WWOX: variants seen among roughly 807,000 people sequenced by gnomAD.
The protein encoded by WWOX is WW domain-containing oxidoreductase.
A neutral mutation model predicts 46.2 loss-of-function variants in WWOX; 69 were observed. The ratio of observed to expected loss-of-function variants is 1.49; its 90% CI spans 1.23 to 1.82. The LOEUF (loss-of-function observed/expected upper bound fraction) is 1.82. Ranked by LOEUF, WWOX falls within the 40% of genes most tolerant of loss-of-function variation. The probability of loss-of-function intolerance (pLI) is 0.00; values close to 1 mark genes in which losing one functional copy is unlikely to be tolerated. For synonymous variants in WWOX, 359 were observed against 202.6 expected (o/e 1.77, Z -6.56); for missense variants, 919 against 542.6 (o/e 1.69, Z -6.89).
At chr16:78,179,316 A>T (rs1438590652) in intron 5 of WWOX, among the ~76,000 whole-genome samples, 1 of 152,218 alleles carries the variant, frequency 6.6e-6, no homozygotes, top group Non-Finnish European at 1.5e-5. Flanking sequence ...TTCTGGAAAG[A>T]GTTATGGATT....
chr16:78,656,944 G>A (rs776805472), intron 8 of WWOX, among the ~76,000 whole-genome samples: 4 of 152,190 alleles, frequency 2.6e-5, no homozygotes, highest in African/African-American at 7.2e-5. Context: ...CCATCATGGC[G>A]TCTGGTCCAT....
At chr16:78,935,935 C>T (rs973380146) in intron 8 of WWOX, among the ~76,000 whole-genome samples, 8 of 151,732 alleles carry the variant, frequency 5.3e-5, no homozygotes, top group African/African-American at 1.9e-4. Context: ...ATAAAATAAG[C>T]AGCAGCAGCA....
At chr16:78,460,726 G>T (rs181506175) in intron 8 of WWOX, among the ~76,000 whole-genome samples, 1 of 152,162 alleles carries the variant, frequency 6.6e-6, no homozygotes, top group African/African-American at 2.4e-5. Context: ...CATGACATTC[G>T]ATCCACGTGG....
intron 8 of WWOX, among the ~76,000 whole-genome samples, chr16:78,619,175 A>T (rs1363563126): frequency 6.3e-5 from 1 of 15,766 alleles, no homozygotes; most frequent in Non-Finnish European, 1.1e-4. Context: ...ATATATATAT[A>T]TATATATATA....
chr16:78,335,793 C>A (rs9937072), intron 5 of WWOX, among the ~76,000 whole-genome samples: 16,790 of 152,156 alleles, frequency 0.11, 1,066 homozygotes, highest in Non-Finnish European at 0.13. Context: ...CCAAAACTTG[C>A]GTTTCTAAAA....
intron 8 of WWOX, among the ~76,000 whole-genome samples, chr16:78,560,535 T>C (rs1042230947): frequency 1.3e-5 from 2 of 152,024 alleles, no homozygotes; most frequent in African/African-American, 4.8e-5. Context: ...TCCCAGCTAC[T>C]TGGGAGGCTG....
intron 8 of WWOX, among the ~76,000 whole-genome samples, chr16:78,695,851 G>A (rs1038270259): frequency 8.5e-5 from 13 of 152,168 alleles, no homozygotes; most frequent in Non-Finnish European, 2.9e-5. Flanking sequence ...CGCTGTGGAA[G>A]GACAGATGTC....
intron 5 of WWOX, among the ~76,000 whole-genome samples, chr16:78,329,363 C>T (rs1185762703): frequency 6.6e-6 from 1 of 152,152 alleles, no homozygotes; most frequent in Non-Finnish European, 1.5e-5. Flanking sequence ...ATGCAAAAAA[C>T]GTGGTTTGTT....
rs980320884 is a variant in WWOX, at chr16:78,350,554, A to C, written c.517-36306A>C. 7.4e-5 allele frequency among the ~76,000 whole-genome samples: 9 copies of C among 121,074 alleles called. 4 individuals are homozygous for C. The highest frequency in any genetic ancestry group is 1.6e-4 in the Admixed American group (2 of 12,422). The allele number at this position is 121,074 out of a possible 152,430, so 79.4% of individuals were successfully genotyped here. ...GACTTTTCATATAAATAAATCAGAT[A>C]CTGTGTGGCCCTTTGTGTCTCGATC... On this transcript the variant is annotated intron_variant, in intron 5 of 8. Coordinates refer to ENST00000566780, the MANE Select transcript of WWOX (RefSeq NM_016373.4).
chr16:78,670,483 G>A (rs188873007), intron 8 of WWOX, among the ~76,000 whole-genome samples: 1 of 152,118 alleles, frequency 6.6e-6, no homozygotes, highest in Non-Finnish European at 1.5e-5. Context: ...GTGTGTGATC[G>A]GAAATCATGT....
intron 8 of WWOX, among the ~76,000 whole-genome samples, chr16:78,819,409 A>G (rs760678753): frequency 5.3e-5 from 8 of 152,248 alleles, no homozygotes; most frequent in Non-Finnish European, 1.0e-4. Context: ...TTTCCATGGC[A>G]ACACCTAGAA....
At chr16:78,829,516 T>C (rs1161458054) in intron 8 of WWOX, among the ~76,000 whole-genome samples, 2 of 152,178 alleles carry the variant, frequency 1.3e-5, no homozygotes, top group Non-Finnish European at 2.9e-5. Flanking sequence ...TAGTCAGATA[T>C]CTGGGCACTG....
rs2043218846 is a variant in WWOX at position 78,515,616 on chromosome 16, A to T, written c.1056+82864A>T. Among the ~76,000 whole-genome samples, 3 of 152,164 alleles carry T rather than the reference A, an allele frequency of 2.0e-5. No homozygotes were observed. In the South Asian group the frequency reaches 6.2e-4, roughly 32 times the overall value. ...CTATCTCTGTGCAGAGCCAGGCCGG[A>T]TGCCTAGGTGAGATGGAAAGCTTCC... On this transcript the variant is annotated intron_variant, in intron 8 of 8. Coordinates refer to ENST00000566780, the MANE Select transcript of WWOX (RefSeq NM_016373.4).
intron 8 of WWOX, among the ~76,000 whole-genome samples, chr16:78,570,667 T>C (rs945857435): frequency 3.3e-5 from 5 of 152,120 alleles, no homozygotes; most frequent in African/African-American, 1.2e-4. Flanking sequence ...CTCAAGCTTC[T>C]GAAGACACAA....
rs141730643 is a variant in WWOX, at chr16:78,661,288, C to T, written c.1056+228536C>T. On this transcript the variant is annotated intron_variant, in intron 8 of 8. Transcript: ENST00000566780. ...AGGACTGGAATGCCATTGACAGGTC[C>T]CACAAGTCAGCAATCAGCACGCCAT... Among the ~76,000 whole-genome samples the T allele has an allele frequency of 6.6e-3, 1,004 of 152,244 alleles. 11 individuals carry two copies. Among genetic ancestry groups the T allele is most frequent in the African/African-American group, 0.022 (925 of 41,534 alleles).
At chr16:78,855,326 A>G (rs996433241) in intron 8 of WWOX, among the ~76,000 whole-genome samples, 12 of 152,314 alleles carry the variant, frequency 7.9e-5, no homozygotes, top group South Asian at 6.2e-4. Context: ...TTCTTATCAT[A>G]ATAAATCTGA....
chr16:78,714,329 T>G (rs1296429337), intron 8 of WWOX, among the ~76,000 whole-genome samples: 1 of 152,038 alleles, frequency 6.6e-6, no homozygotes, highest in Non-Finnish European at 1.5e-5. Flanking sequence ...AGGGGCGTCT[T>G]ACATGGTGGC....
intron 8 of WWOX, among the ~76,000 whole-genome samples, chr16:78,610,239 C>T (rs1223863398): frequency 6.6e-6 from 1 of 152,122 alleles, no homozygotes; most frequent in Non-Finnish European, 1.5e-5. Flanking sequence ...TTTTACCCTC[C>T]TTTTCATAAT....
At chr16:78,938,680 G>T (rs1031313652) in intron 8 of WWOX, among the ~76,000 whole-genome samples, 1 of 152,172 alleles carries the variant, frequency 6.6e-6, no homozygotes, top group Non-Finnish European at 1.5e-5. Flanking sequence ...TGGGGAGATA[G>T]CAATGAAGGC....
Sources: allele counts gnomAD v4.1 joint callset (sites outside exome capture counted in the v4.1 genomes callset), GRCh38; gene constraint gnomAD v4.1.1; transcripts MANE v1.5; gene names NCBI Gene and HGNC (gene_info 2026-07-23, HGNC 2026-07-21).